SGCE: variants seen among roughly 807,000 people sequenced by gnomAD.
The protein encoded by SGCE is epsilon-sarcoglycan.
A neutral mutation model predicts 57.8 loss-of-function variants in SGCE; 26 were observed. That is an observed-to-expected ratio of 0.45 (90% CI 0.33 to 0.62). SGCE has a LOEUF of 0.62. Ranked by LOEUF, SGCE falls within the 20% of genes least tolerant of loss-of-function variation. The pLI is 0.02. For missense variants in SGCE, 468 were observed against 548.6 expected, an observed-to-expected ratio of 0.85 and a Z score of 1.47; for synonymous variants, 183 against 189.5, an observed-to-expected ratio of 0.97 and a Z score of 0.28.
At chr7:94,620,096 T>C (rs1802533042) in intron 4 of SGCE, 1 of 152,206 alleles carries the variant, frequency 6.6e-6, no homozygotes, top group African/African-American at 2.4e-5. Context: ...TTTATTTCAA[T>C]AAAATTCATG....
chr7:94,611,123 G>A (rs767470643), intron 5 of SGCE, among the ~76,000 whole-genome samples: 8 of 152,184 alleles, frequency 5.3e-5, no homozygotes, highest in Non-Finnish European at 1.2e-4. Flanking sequence ...GTTACCATAT[G>A]ACCCAGCAAC....
intron 3 of SGCE, chr7:94,627,034 A>G (rs1288531785): frequency 6.6e-6 from 1 of 152,070 alleles, no homozygotes; most frequent in Non-Finnish European, 1.5e-5. Context: ...ATTTAAAAAA[A>G]TTAATTTGAC....
At chr7:94,610,769 G>A (rs969214595) in intron 5 of SGCE, among the ~76,000 whole-genome samples, 15 of 152,110 alleles carry the variant, frequency 9.9e-5, no homozygotes, top group Non-Finnish European at 5.9e-5. Context: ...TAAAGGACTT[G>A]TATATAGAAC....
chr7:94,601,623 A>G (rs1456712306), intron 6 of SGCE, among the ~76,000 whole-genome samples: 2 of 152,118 alleles, frequency 1.3e-5, no homozygotes, highest in Admixed American at 1.3e-4. Context: ...CTAAAATAAA[A>G]TGCTGGGGAG....
Position 94,593,140 on chromosome 7 carries a change from A to C in SGCE, c.1254-4408T>G, listed in dbSNP as rs151336911. ...AGCAGGACAAATGGAAAAATATTTA[A>C]ATAAAAGCTAAAATGATTAGATACT... On this transcript the variant is annotated intron_variant, in intron 9 of 10. Coordinates refer to ENST00000648936, the MANE Select transcript of SGCE (RefSeq NM_003919.3). Among the ~76,000 whole-genome samples, 638 of 152,258 alleles carry C rather than the reference A, an allele frequency of 4.2e-3. 4 individuals carry two copies. Among genetic ancestry groups the C allele is most frequent in the African/African-American group, 0.014 (582 of 41,568 alleles).
chr7:94,601,456 A>AC lies in SGCE; in HGVS notation c.826-600_826-599insG, dbSNP rs1303054720. 5.9e-5 allele frequency among the ~76,000 whole-genome samples: 4 copies of AC among 67,996 alleles called. No homozygotes were observed. The Admixed American group carries it at 7.3e-4, about 12-fold the overall frequency. The allele number at this position is 67,996 out of a possible 152,430, so 44.6% of individuals were successfully genotyped here. On this transcript the variant is annotated intron_variant, in intron 6 of 10. Coordinates refer to ENST00000648936, the MANE Select transcript of SGCE (RefSeq NM_003919.3). ...CTATCCCAGTATCAAAAAAAAAAAAAAAAAAAAAAAAAAAAAAAAACTACA... is the reference window on the plus strand; with the variant it reads ...CTATCCCAGTATCAAAAAAAAAAAAACAAAAAAAAAAAAAAAAAAAACTACA...
chr7:94,600,864 T>C lies in SGCE; in HGVS notation c.826-7A>G, dbSNP rs1255932169. 6.3e-7 allele frequency: 1 copy of C among 1,599,314 alleles called. No individual in the cohort carries two copies. Among genetic ancestry groups the C allele is most frequent in the Non-Finnish European group, 8.5e-7 (1 of 1,169,756 alleles). ...CTTGCTTTGTTTTATCAACCTGATA[T>C]AAAAGAAGACAATTACACAACAAAT... On this transcript the variant is annotated splice_polypyrimidine_tract_variant and splice_region_variant and intron_variant, in intron 6 of 10. Coordinates refer to ENST00000648936, the MANE Select transcript of SGCE (RefSeq NM_003919.3).
intron 1 of SGCE, among the ~76,000 whole-genome samples, chr7:94,640,032 G>A (rs1027850633): frequency 1.3e-5 from 2 of 152,068 alleles, no homozygotes; most frequent in African/African-American, 4.8e-5. Context: ...GGAGATAATG[G>A]AGATAATACT....
chr7:94,625,881 A>G (rs944886633), intron 3 of SGCE: 3 of 152,114 alleles, frequency 2.0e-5, no homozygotes, highest in African/African-American at 7.2e-5. Flanking sequence ...CCAGGAGGGC[A>G]TTTGCAAGTA....
intron 9 of SGCE, among the ~76,000 whole-genome samples, chr7:94,595,105 G>T (rs895375729): frequency 3.9e-5 from 6 of 152,062 alleles, no homozygotes; most frequent in Non-Finnish European, 5.9e-5. Context: ...TCTCTTATCA[G>T]TGTCTCAAAT....
At position 94,598,899 on chromosome 7, in the gene SGCE, T is replaced by G. The variant is rs763064939; in HGVS notation, c.1129A>C (p.Asn377His). The change falls in exon 9 of 11, where the codon AAT becomes CAT. Residue 377 changes from asparagine (N) to histidine (H), a missense_variant. Asn to His is a moderately conservative substitution (Grantham distance 68). Transcript: ENST00000648936. ...STKELRDMSK[N>H]REIAWPLSTL... ...GACAGGGGCCATGCTATCTCTCTAT[T>G]CTTGGACATGTCTCGAAGCTCCTTG... 5.0e-6 allele frequency: 8 copies of G among 1,613,844 alleles called. No individual in the cohort carries two copies. The highest frequency in any genetic ancestry group is 5.9e-6 in the Non-Finnish European group (7 of 1,179,798).
chr7:94,611,546 T>C (rs1399399063), intron 5 of SGCE, among the ~76,000 whole-genome samples: 1 of 152,108 alleles, frequency 6.6e-6, no homozygotes, highest in Admixed American at 6.6e-5. Context: ...GTTGGGATAA[T>C]AACAACTTTC....
chr7:94,629,879 A>G, intron 1 of SGCE, 38 bp from the exon 2 acceptor site: 1 of 1,607,710 alleles, frequency 6.2e-7, no homozygotes, highest in Non-Finnish European at 8.5e-7. Context: ...CAGAAAGACA[A>G]ATAATGAGAT....
intron 10 of SGCE, among the ~76,000 whole-genome samples, chr7:94,586,062 A>G (rs921468525): frequency 2.3e-4 from 6 of 26,078 alleles, no homozygotes; most frequent in Non-Finnish European, 3.8e-4. Flanking sequence ...GAACTAAATG[A>G]AAAAAAAAAA....
intron 9 of SGCE, among the ~76,000 whole-genome samples, chr7:94,595,519 G>C (rs1376246688): frequency 6.6e-6 from 1 of 151,986 alleles, no homozygotes; most frequent in Non-Finnish European, 1.5e-5. Context: ...TTATAGGAAG[G>C]GTAAATTAAT....
At chr7:94,618,525 T>C (rs1802281407) in intron 5 of SGCE, 2 of 508,990 alleles carry the variant, frequency 3.9e-6, no homozygotes, top group Admixed American at 3.6e-5. Context: ...TAATTTATGA[T>C]GCTGATCCTC....
intron 1 of SGCE, among the ~76,000 whole-genome samples, chr7:94,650,850 T>C (rs1489593569): frequency 6.6e-6 from 1 of 152,210 alleles, no homozygotes; most frequent in South Asian, 2.1e-4. Context: ...GTTGACTGTT[T>C]AGTCTTCTCA....
intron 5 of SGCE, chr7:94,618,136 G>A (rs1421538913): frequency 6.6e-6 from 1 of 152,262 alleles, no homozygotes; most frequent in Non-Finnish European, 1.5e-5. Flanking sequence ...CACAGCTTCA[G>A]AACTGACAAA....
intron 1 of SGCE, among the ~76,000 whole-genome samples, chr7:94,630,686 G>A (rs957424362): frequency 1.7e-4 from 26 of 151,782 alleles, no homozygotes; most frequent in Admixed American, 1.1e-3. Flanking sequence ...CATTATTGCC[G>A]TTACTCTTGT....
Sources: gnomAD v4.1 joint callset for allele counts (sites outside exome capture counted in the v4.1 genomes callset) on GRCh38, gnomAD v4.1.1 for gene constraint, MANE v1.5 for transcripts, NCBI Gene and HGNC (gene_info 2026-07-23, HGNC 2026-07-21) for gene names.